The following NEBL variants were observed in gnomAD, a reference collection of about 807,000 sequenced individuals.
The protein encoded by NEBL is nebulette.
A neutral mutation model predicts 140.2 loss-of-function variants in NEBL; 122 were observed. The observed-to-expected ratio is 0.87, with a 90% CI of 0.75 to 1.01. The LOEUF is 1.01. Ranked by LOEUF, NEBL falls within the 50% of genes least tolerant of loss-of-function variation. The pLI is 0.00. For missense variants in NEBL, 1,365 were observed against 1,231.3 expected, an observed-to-expected ratio of 1.11 and a Z score of -1.62; for synonymous variants, 436 against 398.9, an observed-to-expected ratio of 1.09 and a Z score of -1.11.
At chr10:21,235,769 AT>A (rs1162509964) in intron 3 of NEBL, among the ~76,000 whole-genome samples, 38 of 152,340 alleles carry the variant, frequency 2.5e-4, no homozygotes, top group Non-Finnish European at 3.5e-4. Flanking sequence ...GTTTTAAAAA[AT>A]ATATTTGATT....
Position 20,828,515 on chromosome 10 carries a change from G to C in NEBL, c.1776+15C>G, listed in dbSNP as rs373748632. The C allele has an allele frequency of 3.4e-5, 52 of 1,514,512 alleles. No individual in the cohort carries two copies. The highest frequency in any genetic ancestry group is 7.3e-6 in the Non-Finnish European group (8 of 1,090,150). The allele number at this position is 1,514,512 out of a possible 1,614,324, so 93.8% of individuals were successfully genotyped here. ...ATTTCAAGGTGGCAACTTAAAAGAA[G>C]TAATGGCTACTCACCGCACTAATGT... On this transcript the variant is annotated intron_variant, in intron 17 of 27. Coordinates refer to ENST00000377122, the MANE Select transcript of NEBL (RefSeq NM_006393.3).
At chr10:21,289,606 G>A (rs1843115086) in intron 1 of NEBL, among the ~76,000 whole-genome samples, 1 of 152,080 alleles carries the variant, frequency 6.6e-6, no homozygotes, top group Admixed American at 6.6e-5. Flanking sequence ...ACAGTGTCAG[G>A]ACTTCTCCAG....
chr10:21,275,751 C>T (rs375128151), intron 1 of NEBL, among the ~76,000 whole-genome samples: 9 of 151,196 alleles, frequency 6.0e-5, no homozygotes, highest in African/African-American at 9.7e-5. Flanking sequence ...AGCAATTCTC[C>T]TGCCTCGGCC....
intron 22 of NEBL, among the ~76,000 whole-genome samples, chr10:20,814,245 C>T (rs1490484548): frequency 1.3e-5 from 2 of 152,010 alleles, no homozygotes; most frequent in Non-Finnish European, 2.9e-5. Flanking sequence ...TGCTAAATGA[C>T]CTAAATCTAT....
intron 2 of NEBL, among the ~76,000 whole-genome samples, chr10:20,895,413 A>G (rs1406470640): frequency 6.6e-6 from 1 of 152,198 alleles, no homozygotes; most frequent in Non-Finnish European, 1.5e-5. Context: ...CTCTGTGTTC[A>G]ACTATTACTG....
At chr10:21,237,230 A>G (rs938136093) in intron 3 of NEBL, among the ~76,000 whole-genome samples, 8 of 152,162 alleles carry the variant, frequency 5.3e-5, no homozygotes, top group African/African-American at 1.9e-4. Flanking sequence ...TTTGAGATAG[A>G]GTGTCACTCT....
intron 8 of NEBL, among the ~76,000 whole-genome samples, chr10:20,858,805 C>T (rs986672695): frequency 6.6e-6 from 1 of 152,162 alleles, no homozygotes; most frequent in African/African-American, 2.4e-5. Flanking sequence ...ATATCACACA[C>T]TTACTATGTG....
intron 1 of NEBL, among the ~76,000 whole-genome samples, chr10:21,263,475 G>A (rs954053926): frequency 6.6e-6 from 1 of 152,110 alleles, no homozygotes; most frequent in Non-Finnish European, 1.5e-5. Flanking sequence ...AGCGGGGGAG[G>A]TTGTGAAACT....
intron 1 of NEBL, among the ~76,000 whole-genome samples, chr10:21,267,043 C>T (rs1045519238): frequency 1.3e-5 from 2 of 152,016 alleles, no homozygotes; most frequent in African/African-American, 2.4e-5. Flanking sequence ...GGCGCGATCT[C>T]GGCTCACTGC....
At chr10:20,942,003 G>T (rs1299667920) in intron 4 of NEBL, among the ~76,000 whole-genome samples, 1 of 152,112 alleles carries the variant, frequency 6.6e-6, no homozygotes, top group Non-Finnish European at 1.5e-5. Context: ...TGTGAAAATG[G>T]CCACACTGCC....
At chr10:21,257,484 G>C (rs1456670062) in intron 1 of NEBL, among the ~76,000 whole-genome samples, 1 of 152,176 alleles carries the variant, frequency 6.6e-6, no homozygotes, top group African/African-American at 2.4e-5. Flanking sequence ...GCACATAATA[G>C]CTAGTAAGCA....
intron 26 of NEBL, among the ~76,000 whole-genome samples, chr10:20,802,910 C>T (rs1837252376): frequency 6.6e-6 from 1 of 152,162 alleles, no homozygotes; most frequent in African/African-American, 2.4e-5. Context: ...TGTAAAATAT[C>T]TGCTTCTTGT....
At chr10:20,918,871 T>A (rs1023093919) in intron 4 of NEBL, among the ~76,000 whole-genome samples, 1 of 151,556 alleles carries the variant, frequency 6.6e-6, no homozygotes, top group Non-Finnish European at 1.5e-5. Context: ...ATTAAATAAA[T>A]AAATAAATAA....
intron 4 of NEBL, among the ~76,000 whole-genome samples, chr10:20,952,432 G>C (rs1328892683): frequency 1.7e-5 from 2 of 117,176 alleles, no homozygotes; most frequent in Non-Finnish European, 3.5e-5. Context: ...GTGAGACTCT[G>C]TCTGAAGGAA....
At chr10:21,047,348 T>A (rs1166613956) in intron 2 of NEBL, among the ~76,000 whole-genome samples, 1 of 152,162 alleles carries the variant, frequency 6.6e-6, no homozygotes, top group African/African-American at 2.4e-5. Context: ...CTCTGTGCCC[T>A]AGGACAGTAT....
chr10:21,289,690 A>G (rs1323506685), intron 1 of NEBL, among the ~76,000 whole-genome samples: 3 of 152,216 alleles, frequency 2.0e-5, no homozygotes, highest in African/African-American at 4.8e-5. Context: ...GGAAACTCAC[A>G]ACTAAATTTG....
At chr10:20,929,893 T>C (rs1464759438) in intron 4 of NEBL, among the ~76,000 whole-genome samples, 2 of 152,136 alleles carry the variant, frequency 1.3e-5, no homozygotes, top group African/African-American at 4.8e-5. Context: ...TTAACAAAAC[T>C]GCACCTGTAC....
intron 27 of NEBL, among the ~76,000 whole-genome samples, chr10:20,786,509 GT>G (rs1835421454): frequency 6.6e-6 from 1 of 152,062 alleles, no homozygotes; most frequent in Non-Finnish European, 1.5e-5. Context: ...TCCTATATTT[GT>G]TTTTGTTTAA....
intron 12 of NEBL, among the ~76,000 whole-genome samples, chr10:20,842,690 T>C (rs1291732006): frequency 6.6e-6 from 1 of 152,052 alleles, no homozygotes; most frequent in East Asian, 1.9e-4. Context: ...TAAATCAATC[T>C]AAATAATATA....
Sources: gnomAD v4.1 joint callset for allele counts (sites outside exome capture counted in the v4.1 genomes callset) on GRCh38, gnomAD v4.1.1 for gene constraint, MANE v1.5 for transcripts, NCBI Gene and HGNC (gene_info 2026-07-23, HGNC 2026-07-21) for gene names.